The following CELF2 variants were observed in gnomAD, a reference collection of about 807,000 sequenced individuals.
The protein encoded by CELF2 is CUGBP Elav-like family member 2.
A neutral mutation model predicts 62.6 loss-of-function variants in CELF2; 8 were observed. The ratio of observed to expected loss-of-function variants is 0.13; its 90% confidence interval spans 0.07 to 0.23. CELF2 has a LOEUF of 0.23. Ranked by LOEUF, CELF2 falls within the 10% of genes least tolerant of loss-of-function variation. The pLI is 1.00. For synonymous variants in CELF2, 258 were observed against 250.0 expected (o/e 1.03, Z -0.30); for missense variants, 333 against 671.0 (o/e 0.50, Z 5.56).
chr10:10,883,954 C>T (rs1412500102), intron 1 of CELF2, among the ~76,000 whole-genome samples: 4 of 150,646 alleles, frequency 2.7e-5, no homozygotes, highest in Non-Finnish European at 5.9e-5. Flanking sequence ...TCTTTATCTC[C>T]TCCTTCTTAC....
chr10:10,873,817 G>C (rs1167744336), intron 1 of CELF2, among the ~76,000 whole-genome samples: 1 of 152,108 alleles, frequency 6.6e-6, no homozygotes, highest in Admixed American at 6.5e-5. Flanking sequence ...TCGGTTTCCA[G>C]ACCTTCACCC....
At chr10:10,509,004 A>G in the CELF2 span, among the ~76,000 whole-genome samples, 1 of 152,156 alleles carries the variant, frequency 6.6e-6, no homozygotes, top group Non-Finnish European at 1.5e-5. Context: ...ATGCAATAAT[A>G]ATGATCAAAC....
chr10:10,796,777 T>C (rs2054162543), upstream of CELF2: 2 of 452,682 alleles, frequency 4.4e-6, no homozygotes, highest in Non-Finnish European at 5.8e-6. Context: ...TTTGGTGAAG[T>C]ACTTGGAGAT....
chr10:11,286,108 C>T (rs976791882), intron 8 of CELF2, among the ~76,000 whole-genome samples: 2 of 152,184 alleles, frequency 1.3e-5, no homozygotes, highest in Non-Finnish European at 2.9e-5. Context: ...GGGCAGAAGG[C>T]TCTGCCAAGG....
Position 10,857,522 on chromosome 10 carries a change from C to T in CELF2, c.53+58705C>T, listed in dbSNP as rs191894763. Among the ~76,000 whole-genome samples, 61 of 151,372 alleles carry T rather than the reference C, an allele frequency of 4.0e-4. 1 individual carries two copies. The highest frequency in any genetic ancestry group is 1.3e-3 in the African/African-American group (54 of 41,226). ...CAAAGCACTCTTTAAAGGAAGAAAA[C>T]AGTGTGATATTTAAAATGTCAAATA... On this transcript the variant is annotated intron_variant, in intron 1 of 13. Transcript: ENST00000636488.
chr10:10,667,494 C>G, the CELF2 span, among the ~76,000 whole-genome samples: 1 of 152,198 alleles, frequency 6.6e-6, no homozygotes, highest in African/African-American at 2.4e-5. Context: ...CCAGGCTGAT[C>G]ACGACTATAA....
intron 1 of CELF2, among the ~76,000 whole-genome samples, chr10:10,915,146 AAAAGAT>A (rs1009206127): frequency 6.7e-6 from 1 of 149,116 alleles, no homozygotes; most frequent in African/African-American, 2.6e-5. Context: ...AAAAAAAAAA[AAAAGAT>A]TTTTTAGTGT....
intron 1 of CELF2, among the ~76,000 whole-genome samples, chr10:11,102,592 AC>A (rs998322859): frequency 6.6e-6 from 1 of 152,118 alleles, no homozygotes; most frequent in African/African-American, 2.4e-5. Flanking sequence ...TCCTCCCACT[AC>A]CAAGTTCAGC....
intron 2 of CELF2, among the ~76,000 whole-genome samples, chr10:10,958,530 C>T (rs2135916991): frequency 6.6e-6 from 1 of 152,312 alleles, no homozygotes; most frequent in East Asian, 1.9e-4. Flanking sequence ...TTGGAGGCAT[C>T]CTCTCGTGTT....
the CELF2 span, among the ~76,000 whole-genome samples, chr10:10,775,701 A>G: frequency 5.3e-5 from 8 of 152,182 alleles, no homozygotes; most frequent in Non-Finnish European, 1.0e-4. Context: ...GCATCATAAG[A>G]ATTCCAGATT....
chr10:10,872,384 AT>A (rs2060806113), intron 1 of CELF2, among the ~76,000 whole-genome samples: 1 of 152,256 alleles, frequency 6.6e-6, no homozygotes, highest in Non-Finnish European at 1.5e-5. Flanking sequence ...AAGAAAAAAA[AT>A]CAGTCACTGC....
intron 1 of CELF2, among the ~76,000 whole-genome samples, chr10:10,866,920 CAAA>C (rs56098222): frequency 2.3e-4 from 22 of 97,710 alleles, no homozygotes; most frequent in South Asian, 3.4e-4. Flanking sequence ...AACTCCTTCT[CAAA>C]AAAAAAAAAA....
chr10:11,226,600 CCACACA>C (rs59521803), intron 3 of CELF2, among the ~76,000 whole-genome samples: 20 of 25,894 alleles, frequency 7.7e-4, no homozygotes, highest in Non-Finnish European at 2.0e-3. Context: ...CAGGCAGTGG[CCACACA>C]CACACACACA....
the CELF2 span, among the ~76,000 whole-genome samples, chr10:10,575,570 G>GAT: frequency 6.6e-6 from 1 of 152,118 alleles, no homozygotes; most frequent in African/African-American, 2.4e-5. Flanking sequence ...CACGTAAAAA[G>GAT]ATGACTCTCT....
upstream of CELF2, among the ~76,000 whole-genome samples, chr10:11,004,455 T>C (rs1260737540): frequency 1.3e-5 from 2 of 151,942 alleles, no homozygotes; most frequent in Non-Finnish European, 2.9e-5. The surrounding 1 kb of genome is among the most constrained non-coding windows in gnomAD (Gnocchi z 5.0). Flanking sequence ...GTTGTTATTT[T>C]ACTTGGCTAA....
At chr10:10,750,471 A>G in the CELF2 span, among the ~76,000 whole-genome samples, 1 of 152,230 alleles carries the variant, frequency 6.6e-6, no homozygotes. Context: ...ACTAATACTT[A>G]CTGTGCATTG....
chr10:11,068,697 G>A (rs1291857), intron 1 of CELF2, among the ~76,000 whole-genome samples: 100,774 of 151,640 alleles, frequency 0.66, 34,839 homozygotes, highest in African/African-American at 0.86. Flanking sequence ...AGTAGCTGGG[G>A]CTACAGGTGC....
rs1591686095 is a variant in CELF2, at chr10:11,328,294, G to C, written c.1439-632G>C. On this transcript the variant is annotated intron_variant, in intron 12 of 12. Transcript: ENST00000633077. The surrounding 1 kb of genome is among the most constrained non-coding windows in gnomAD (Gnocchi z 6.4). ...GCCCAGCACTTCCCTAGTCTCCTTG[G>C]TATTAACTCCAAATGGGTAAAAATC... is the stretch of plus-strand genomic sequence containing the variant. 6.6e-6 allele frequency among the ~76,000 whole-genome samples: 1 copy of C among 152,210 alleles called. No individual in the cohort carries two copies. Among genetic ancestry groups the C allele is most frequent in the East Asian group, 1.9e-4 (1 of 5,204 alleles).
At chr10:10,922,400 C>A (rs370662022) in intron 2 of CELF2, among the ~76,000 whole-genome samples, 2 of 152,100 alleles carry the variant, frequency 1.3e-5, no homozygotes, top group Admixed American at 6.6e-5. Context: ...AATAATGGAA[C>A]GAGGAATGAC....
Sources: allele counts gnomAD v4.1 joint callset (sites outside exome capture counted in the v4.1 genomes callset), GRCh38; gene constraint gnomAD v4.1.1; non-coding constraint Gnocchi (gnomAD v3.1); transcripts MANE v1.5; gene names NCBI Gene and HGNC (gene_info 2026-07-23, HGNC 2026-07-21).